PTPN13: variants seen among roughly 807,000 people sequenced by gnomAD.
PTPN13 encodes the protein tyrosine-protein phosphatase non-receptor type 13.
Under a neutral mutation model 284.0 loss-of-function variants are expected in PTPN13, and 191 were observed. That is an observed-to-expected ratio of 0.67 (90% CI 0.60 to 0.76). The LOEUF (loss-of-function observed/expected upper bound fraction) is 0.76, where lower values mean the gene tolerates loss of function less well. Among genes scored for constraint, PTPN13 ranks in the 30% least tolerant of loss-of-function variants. The probability of loss-of-function intolerance (pLI) is 0.00; values close to 1 mark genes in which losing one functional copy is unlikely to be tolerated. For synonymous variants in PTPN13, 986 were observed against 1,022.3 expected (o/e 0.96, Z 0.68); for missense variants, 2,797 against 2,939.9 (o/e 0.95, Z 1.12).
At chr4:86,723,959 T>A (rs1733952415) in intron 10 of PTPN13, among the ~76,000 whole-genome samples, 1 of 152,230 alleles carries the variant, frequency 6.6e-6, no homozygotes. Flanking sequence ...GCTCTGAAGA[T>A]AATAGAATTC....
chr4:86,814,528 C>T lies in PTPN13; in HGVS notation c.7435C>T (p.Gln2479Ter). Residue 2479 changes from glutamine (Q) to a stop codon, truncating the protein, a stop_gained, in exon 48 of 48, where the codon CAG (glutamine) becomes TAG (stop). Transcript: ENST00000411767. LOFTEE classifies it high-confidence loss of function. The part of the protein sequence containing the change: ...TRLQAEEEQK[Q>*]QPQLLK The stretch of plus-strand genomic sequence containing the variant: ...TCTTCAAGCAGAAGAAGAGCAAAAA[C>T]AGCAGCCTCAGCTTCTGAAGTGACA... 2 of 1,611,834 alleles carry T rather than the reference C, an allele frequency of 1.2e-6. No homozygotes were observed. Among genetic ancestry groups the T allele is most frequent in the Non-Finnish European group, 1.7e-6 (2 of 1,178,424 alleles).
intron 36 of PTPN13, 24 bp downstream of exon 36, chr4:86,780,496 TACTCTCCTA>T (rs752741979): frequency 1.4e-6 from 2 of 1,462,356 alleles, no homozygotes; most frequent in Non-Finnish European, 1.9e-6. Flanking sequence ...CATTTTACTG[TACTCTCCTA>T]CGGTAATGGG....
chr4:86,694,734 C>G (rs527923886), intron 6 of PTPN13, among the ~76,000 whole-genome samples: 1 of 151,378 alleles, frequency 6.6e-6, no homozygotes, highest in Non-Finnish European at 1.5e-5. Flanking sequence ...TCTTTGTTCT[C>G]TTCTTATCAA....
At chr4:86,660,202 G>A (rs1481449046) in intron 2 of PTPN13, among the ~76,000 whole-genome samples, 5 of 152,074 alleles carry the variant, frequency 3.3e-5, no homozygotes, top group Admixed American at 6.5e-5. Flanking sequence ...TCTAAGGGTC[G>A]ATCTGTTTAT....
At chr4:86,744,346 T>C (rs545205529) in intron 16 of PTPN13, among the ~76,000 whole-genome samples, 1 of 152,334 alleles carries the variant, frequency 6.6e-6, no homozygotes, top group South Asian at 2.1e-4. Context: ...ACATATTTAT[T>C]ATTTCCTTTT....
chr4:86,801,655 A>G (rs1049332083), intron 42 of PTPN13, among the ~76,000 whole-genome samples: 1 of 152,194 alleles, frequency 6.6e-6, no homozygotes, highest in Non-Finnish European at 1.5e-5. Flanking sequence ...ACACATTGCA[A>G]TTCAAGGCAC....
chr4:86,749,692 G>C (rs1737171265), intron 17 of PTPN13, among the ~76,000 whole-genome samples: 1 of 152,102 alleles, frequency 6.6e-6, no homozygotes, highest in African/African-American at 2.4e-5. Context: ...GTGTATTTGG[G>C]AGTGAAAGAA....
rs565801684 is a variant in PTPN13, at chr4:86,595,332, T to C, written c.-6+543T>C. The stretch of plus-strand genomic sequence containing the variant: ...GAGACACTGTCTGATGCAAGGTCTT[T>C]TATTGCTTTTCTTCTGCTTGCTAAA... On this transcript the variant is annotated intron_variant, in intron 1 of 47. Coordinates refer to ENST00000411767, the MANE Select transcript of PTPN13 (RefSeq NM_080683.3). 2.0e-5 allele frequency among the ~76,000 whole-genome samples: 3 copies of C among 151,970 alleles called. No individual in the cohort carries two copies. In the South Asian group the frequency reaches 6.2e-4, roughly 32 times the overall value.
rs140856584 is a variant in PTPN13, at chr4:86,768,988, G to A, written c.4490-781G>A. Among the ~76,000 whole-genome samples, 49 of 151,968 alleles carry A rather than the reference G, an allele frequency of 3.2e-4. 1 individual carries two copies. Among genetic ancestry groups the A allele is most frequent in the African/African-American group, 1.2e-3 (48 of 41,510 alleles). Reference sequence around the variant, plus strand: ...GCCTCCCAAAATGCTGGGATTACAGGTGTGAGCCACCACACCCAGCCCCAT... The same window carrying A: ...GCCTCCCAAAATGCTGGGATTACAGATGTGAGCCACCACACCCAGCCCCAT... On this transcript the variant is annotated intron_variant, in intron 28 of 47. Transcript: ENST00000411767.
In PTPN13 at chr4:86,701,310, A is replaced by G. The variant is rs1292785332; in HGVS notation, c.704A>G (p.Lys235Arg). ...CTCTCTCATCAGACCTTTCTTAACAAAGGGCTTAGTAAATCTATGGGATTT... is the reference window on the plus strand; with the variant it reads ...CTCTCTCATCAGACCTTTCTTAACAGAGGGCTTAGTAAATCTATGGGATTT... ...PPLSHQTFLN[K>R]GLSKSMGFLS... The change falls in exon 7 of 48, where the codon AAA (lysine) becomes AGA (arginine). Residue 235 changes from lysine (K) to arginine (R), a missense_variant. Transcript: ENST00000411767. 2.5e-6 allele frequency: 4 copies of G among 1,612,458 alleles called. No homozygotes were observed. The highest frequency in any genetic ancestry group is 3.4e-6 in the Non-Finnish European group (4 of 1,179,098).
intron 19 of PTPN13, among the ~76,000 whole-genome samples, chr4:86,752,128 T>G (rs1339827082): frequency 6.6e-6 from 1 of 152,126 alleles, no homozygotes; most frequent in African/African-American, 2.4e-5. Context: ...GAACTACTAC[T>G]CAAAATATGA....
In PTPN13 at chr4:86,734,709, A is replaced by G. The variant is rs1339108809; in HGVS notation, c.2013-28A>G. ...CCCCAGTATTCAAAATCAAAGGCCA[A>G]GATGTCTGTGTGTGTTTGTTTTTTC... On this transcript the variant is annotated intron_variant, in intron 13 of 47. Transcript: ENST00000411767. 13 of 1,590,750 alleles carry G rather than the reference A, an allele frequency of 8.2e-6. No individual in the cohort carries two copies. The East Asian group carries it at 2.0e-4, about 25-fold the overall frequency.
Position 86,750,810 on chromosome 4 carries a change from A to G in PTPN13, c.2991A>G (p.Ala997=), listed in dbSNP as rs1468930816. The part of the protein sequence containing the change: ...VNMEPPPQTV[A]ELVGKPSHQM... ...TGGAACCCCCACCACAAACCGTTGC[A>G]GAGTTGGTGGGAAAACCTTCTCACC... The change falls in exon 18 of 48, where the codon GCA becomes GCG. Residue 997 remains alanine, a synonymous_variant. Transcript: ENST00000411767. The G allele has an allele frequency of 6.2e-7, 1 of 1,613,794 alleles. No homozygotes were observed. The highest frequency in any genetic ancestry group is 1.7e-5 in the Admixed American group (1 of 60,006).
rs374643878 is a variant in PTPN13 at position 86,635,317 on chromosome 4, A to G, written c.61A>G (p.Ile21Val). ...GGGTGGACCACTTCAGGAGGAAGAA[A>G]TATGGGCTGTATTAAATCAAAGTGC... ...VRGGPLQEEE[I>V]WAVLNQSAES... The change falls in exon 2 of 48, where the codon ATA becomes GTA. Residue 21 changes from isoleucine (I) to valine (V), a missense_variant. Coordinates refer to ENST00000411767, the MANE Select transcript of PTPN13 (RefSeq NM_080683.3). The G allele has an allele frequency of 3.7e-6, 6 of 1,608,018 alleles. No individual in the cohort carries two copies. The highest frequency in any genetic ancestry group is 3.4e-5 in the Admixed American group (2 of 59,152).
intron 6 of PTPN13, among the ~76,000 whole-genome samples, chr4:86,698,778 T>C (rs1166588222): frequency 6.6e-6 from 1 of 152,098 alleles, no homozygotes. Context: ...ATAGAGTAGT[T>C]GGAGGCTGAT....
chr4:86,612,289 T>C (rs956042086), intron 1 of PTPN13, among the ~76,000 whole-genome samples: 1 of 152,172 alleles, frequency 6.6e-6, no homozygotes, highest in Non-Finnish European at 1.5e-5. Flanking sequence ...ATAATAATCA[T>C]AACTGTCTCA....
At chr4:86,673,535 A>G (rs1459503766) in intron 3 of PTPN13, among the ~76,000 whole-genome samples, 1 of 152,198 alleles carries the variant, frequency 6.6e-6, no homozygotes, top group Non-Finnish European at 1.5e-5. Flanking sequence ...CCAGGTCAGA[A>G]GGAGGATGAT....
intron 6 of PTPN13, among the ~76,000 whole-genome samples, chr4:86,700,412 C>T (rs1731033352): frequency 6.6e-6 from 1 of 151,714 alleles, no homozygotes; most frequent in African/African-American, 2.4e-5. Context: ...TCTATGGATT[C>T]ACAAAATTAA....
At chr4:86,628,180 G>A (rs1045676571) in intron 1 of PTPN13, among the ~76,000 whole-genome samples, 36 of 152,040 alleles carry the variant, frequency 2.4e-4, no homozygotes, top group African/African-American at 7.5e-4. Context: ...CACTAGCAAC[G>A]TATGAAAATT....
Sources: allele counts gnomAD v4.1 joint callset (sites outside exome capture counted in the v4.1 genomes callset), GRCh38; gene constraint gnomAD v4.1.1; transcripts MANE v1.5; gene names NCBI Gene and HGNC (gene_info 2026-07-23, HGNC 2026-07-21).